Variants in RBFOX1 observed in about 807,000 individuals in gnomAD.
RBFOX1 encodes RNA binding protein fox-1 homolog 1.
A neutral mutation model predicts 57.7 loss-of-function variants in RBFOX1; 8 were observed. The ratio of observed to expected loss-of-function variants is 0.14; its 90% CI spans 0.08 to 0.25. The LOEUF is 0.25. Among genes scored for constraint, RBFOX1 ranks in the 10% least tolerant of loss-of-function variants. The pLI is 1.00. For missense variants in RBFOX1, 611 were observed against 548.5 expected (o/e 1.11, Z -1.14); for synonymous variants, 326 against 222.4 (o/e 1.47, Z -4.15).
intron 2 of RBFOX1, among the ~76,000 whole-genome samples, chr16:6,442,572 A>AAAAAAAAAGAAAAGG (rs1203694923): frequency 8.6e-5 from 6 of 69,946 alleles, no homozygotes; most frequent in African/African-American, 6.1e-4. Context: ...AAAAGAAAAG[A>AAAAAAAAAGAAAAGG]AAAAAAAAGA....
intron 3 of RBFOX1, among the ~76,000 whole-genome samples, chr16:7,014,573 T>TA (rs1568374004): frequency 6.6e-6 from 1 of 152,042 alleles, no homozygotes. Context: ...CACCCCGTCT[T>TA]AAACTGAATT....
chr16:7,636,095 C>T (rs1352009011), intron 11 of RBFOX1, among the ~76,000 whole-genome samples: 1 of 152,238 alleles, frequency 6.6e-6, no homozygotes, highest in Non-Finnish European at 1.5e-5. Context: ...CAGGCATGAG[C>T]CACTGCGCCC....
intron 3 of RBFOX1, chr16:6,874,151 A>G (rs1184967056): frequency 6.8e-6 from 1 of 146,460 alleles, no homozygotes; most frequent in Non-Finnish European, 1.5e-5. Flanking sequence ...CCATCAGTGA[A>G]TAAGTGGATA....
At chr16:7,330,472 CTGTGTGTGTGTGTGTG>C (rs71391624) in intron 4 of RBFOX1, among the ~76,000 whole-genome samples, 14 of 94,426 alleles carry the variant, frequency 1.5e-4, no homozygotes, top group African/African-American at 6.7e-4. Context: ...ATGGAGAGCT[CTGTGTGTGTGTGTGTG>C]TGTGTGTGTG....
intron 5 of RBFOX1, among the ~76,000 whole-genome samples, chr16:7,568,299 G>T (rs1602051216): frequency 1.3e-5 from 2 of 152,248 alleles, no homozygotes; most frequent in Admixed American, 1.3e-4. Context: ...TGAGTTTTCT[G>T]GGAAAGGGTT....
intron 3 of RBFOX1, among the ~76,000 whole-genome samples, chr16:6,716,759 A>G (rs2064907848): frequency 6.6e-6 from 1 of 152,094 alleles, no homozygotes; most frequent in South Asian, 2.1e-4. Flanking sequence ...TTGTGTTGGG[A>G]AGGGATTTTT....
At chr16:5,703,704 G>A (rs1037300620) in intron 3 of RBFOX1, among the ~76,000 whole-genome samples, 2 of 152,048 alleles carry the variant, frequency 1.3e-5, no homozygotes, top group Admixed American at 1.3e-4. Flanking sequence ...TGGGGATAAT[G>A]TCTTTATTGC....
chr16:7,529,806 C>G (rs987101249), intron 5 of RBFOX1, among the ~76,000 whole-genome samples: 1 of 151,836 alleles, frequency 6.6e-6, no homozygotes, highest in Non-Finnish European at 1.5e-5. Context: ...GTCAGGAGTT[C>G]GAGACCAGCC....
At chr16:6,924,388 C>G (rs991750064) in intron 3 of RBFOX1, among the ~76,000 whole-genome samples, 1 of 151,834 alleles carries the variant, frequency 6.6e-6, no homozygotes, top group Non-Finnish European at 1.5e-5. Context: ...GAGGTGCCAG[C>G]CTCCTTTAAA....
At chr16:7,529,249 A>G (rs979061403) in intron 5 of RBFOX1, among the ~76,000 whole-genome samples, 3 of 152,232 alleles carry the variant, frequency 2.0e-5, no homozygotes, top group African/African-American at 7.2e-5. Flanking sequence ...TGACAGAATC[A>G]GACTCTGTCT....
intron 3 of RBFOX1, among the ~76,000 whole-genome samples, chr16:6,809,515 G>C (rs2087866101): frequency 6.6e-6 from 1 of 152,214 alleles, no homozygotes; most frequent in African/African-American, 2.4e-5. Context: ...ATTCACCCCA[G>C]GAGGCAGTGT....
At chr16:7,069,494 A>G (rs1476701837) in intron 4 of RBFOX1, among the ~76,000 whole-genome samples, 1 of 152,196 alleles carries the variant, frequency 6.6e-6, no homozygotes, top group African/African-American at 2.4e-5. Flanking sequence ...AATGGCTTCC[A>G]GCTTCATCTA....
At chr16:7,396,408 C>T (rs2098139802) in intron 4 of RBFOX1, among the ~76,000 whole-genome samples, 1 of 152,118 alleles carries the variant, frequency 6.6e-6, no homozygotes, top group Non-Finnish European at 1.5e-5. Flanking sequence ...GTTTTTCTCC[C>T]TGGATGACTC....
chr16:5,771,311 G>A (rs1237566716), intron 3 of RBFOX1, among the ~76,000 whole-genome samples: 1 of 152,230 alleles, frequency 6.6e-6, no homozygotes, highest in Non-Finnish European at 1.5e-5. Flanking sequence ...GGGAGTTAGG[G>A]TGAGGTCTAC....
intron 3 of RBFOX1, among the ~76,000 whole-genome samples, chr16:6,937,018 A>G (rs542418967): frequency 5.9e-4 from 89 of 152,002 alleles, no homozygotes; most frequent in African/African-American, 1.9e-3. Flanking sequence ...GGGGTAGCAC[A>G]CCAGCATTGC....
At chr16:7,086,863 C>G (rs550367487) in intron 4 of RBFOX1, among the ~76,000 whole-genome samples, 1 of 152,268 alleles carries the variant, frequency 6.6e-6, no homozygotes, top group Non-Finnish European at 1.5e-5. Context: ...GTTGGTGGGG[C>G]TTGGTTTTTT....
chr16:7,325,967 G>A (rs951742553), intron 4 of RBFOX1, among the ~76,000 whole-genome samples: 2 of 152,124 alleles, frequency 1.3e-5, no homozygotes, highest in African/African-American at 4.8e-5. Flanking sequence ...TCTGGTTCAA[G>A]CTGATACCCT....
intron 3 of RBFOX1, among the ~76,000 whole-genome samples, chr16:6,743,924 A>G (rs1398098162): frequency 6.6e-6 from 1 of 151,222 alleles, no homozygotes; most frequent in Non-Finnish European, 1.5e-5. Flanking sequence ...ATATACAGTA[A>G]ATGATTTTCC....
chr16:7,503,766 A>C (rs1356237238), intron 4 of RBFOX1, among the ~76,000 whole-genome samples: 1 of 152,170 alleles, frequency 6.6e-6, no homozygotes. Flanking sequence ...ACAAAAATTC[A>C]CTTTTGCCAA....
Sources: gnomAD v4.1 joint callset for allele counts (sites outside exome capture counted in the v4.1 genomes callset) on GRCh38, gnomAD v4.1.1 for gene constraint, MANE v1.5 for transcripts, NCBI Gene and HGNC (gene_info 2026-07-23, HGNC 2026-07-21) for gene names.